The following FLT1 variants were observed in gnomAD, a reference collection of about 807,000 sequenced individuals.
The protein encoded by FLT1 is vascular endothelial growth factor receptor 1.
FLT1 carries 49 observed loss-of-function variants against 156.3 expected under a neutral mutation model. The ratio of observed to expected loss-of-function variants is 0.31; its 90% CI spans 0.25 to 0.40. The LOEUF (loss-of-function observed/expected upper bound fraction) is 0.40. FLT1 is among the 10% of genes least tolerant of loss of function. The pLI is 1.00. For synonymous variants in FLT1, 594 were observed against 583.8 expected (o/e 1.02, Z -0.25); for missense variants, 1,322 against 1,637.2 (o/e 0.81, Z 3.32).
intron 6 of FLT1, among the ~76,000 whole-genome samples, chr13:28,432,815 C>T (rs1289233374): frequency 6.6e-6 from 1 of 152,194 alleles, no homozygotes; most frequent in Admixed American, 6.5e-5. Flanking sequence ...TCCCTCTTGG[C>T]ACTTACGGAG....
At chr13:28,482,115 T>C (rs1197351781) in intron 1 of FLT1, among the ~76,000 whole-genome samples, 2 of 152,158 alleles carry the variant, frequency 1.3e-5, no homozygotes, top group African/African-American at 4.8e-5. Flanking sequence ...TCAGGAGAAT[T>C]AAATTTAATA....
chr13:28,453,395 C>T (rs566783614), intron 3 of FLT1, among the ~76,000 whole-genome samples: 2 of 152,206 alleles, frequency 1.3e-5, no homozygotes, highest in African/African-American at 4.8e-5. Context: ...AGTGTTGGGA[C>T]TACAGGCGTA....
chr13:28,305,179 C>T lies in FLT1; in HGVS notation c.3815+1499G>A, dbSNP rs11616913. Among the ~76,000 whole-genome samples, 91 of 152,262 alleles carry T rather than the reference C, an allele frequency of 6.0e-4. No individual in the cohort carries two copies. The East Asian group carries it at 0.014, about 24-fold the overall frequency. On this transcript the variant is annotated intron_variant, in intron 29 of 29. Transcript: ENST00000282397. ...GAGGGTTCCAATTTCTCCATATCCTCGCCACACTGACTTCATCTAGCTATC... is the reference window on the plus strand; with the variant it reads ...GAGGGTTCCAATTTCTCCATATCCTTGCCACACTGACTTCATCTAGCTATC...
At chr13:28,453,977 A>G (rs1235726581) in intron 3 of FLT1, among the ~76,000 whole-genome samples, 2 of 151,774 alleles carry the variant, frequency 1.3e-5, no homozygotes, top group Non-Finnish European at 2.9e-5. Context: ...CAGAGGGGGG[A>G]TATTTAACTT....
intron 4 of FLT1, among the ~76,000 whole-genome samples, chr13:28,434,631 C>T (rs1251314948): frequency 6.6e-6 from 1 of 152,188 alleles, no homozygotes; most frequent in East Asian, 1.9e-4. Context: ...GCCTGTAATT[C>T]CAGTACTTTG....
rs561056082 is a variant in FLT1 at position 28,470,868 on chromosome 13, T to G, written c.65-3251A>C. Among the ~76,000 whole-genome samples the G allele has an allele frequency of 3.8e-4, 58 of 152,242 alleles. No individual in the cohort carries two copies. In the East Asian group the frequency reaches 8.9e-3, roughly 23 times the overall value. ...ACCACACCCAGCTAATTTTTATATT[T>G]TTAGTAGAGACGGGGTTTTGCCATG... is the stretch of plus-strand genomic sequence containing the variant. On this transcript the variant is annotated intron_variant, in intron 1 of 29. Transcript: ENST00000282397.
At chr13:28,388,323 G>T (rs1874491835) in intron 13 of FLT1, 9 of 1,058,302 alleles carry the variant, frequency 8.5e-6, no homozygotes, top group Non-Finnish European at 1.0e-5. Context: ...TTTAGCCGTG[G>T]GACAGAATCT....
rs1406913366 is a variant in FLT1 at position 28,306,701 on chromosome 13, T to C, written c.3792A>G (p.Lys1264=). The C allele has an allele frequency of 6.2e-7, 1 of 1,613,466 alleles. No homozygotes were observed. Among genetic ancestry groups the C allele is most frequent in the Non-Finnish European group, 8.5e-7 (1 of 1,179,628 alleles). ...MLKRFTWTDS[K]PKASLKIDLR... Reference sequence around the variant, plus strand: ...ACTCAATCTTGAGCGAGGCCTTGGGTTTGCTGTCAGTCCAGGTGAAGCGCT... The same window carrying C: ...ACTCAATCTTGAGCGAGGCCTTGGGCTTGCTGTCAGTCCAGGTGAAGCGCT... Residue 1264 remains lysine, a synonymous_variant, in exon 29 of 30, where the codon AAA becomes AAG. Transcript: ENST00000282397.
rs754152643 is a variant in FLT1 at position 28,494,771 on chromosome 13, G to A, written c.64+9C>T. 6.4e-7 allele frequency: 1 copy of A among 1,553,654 alleles called. No homozygotes were observed. The highest frequency in any genetic ancestry group is 8.7e-7 in the Non-Finnish European group (1 of 1,154,640). On this transcript the variant is annotated intron_variant, in intron 1 of 29. Coordinates refer to ENST00000282397, the MANE Select transcript of FLT1 (RefSeq NM_002019.4). ...CCGCCTCAGGCCCCGGCCCCCAGCC[G>A]CGCCTCACCTGTGAGAAGCAGACAG...
Position 28,301,794 on chromosome 13 carries a change from G to A in FLT1, c.*1373C>T. 1 of 233,464 alleles carries A rather than the reference G, an allele frequency of 4.3e-6. No individual in the cohort carries two copies. Among genetic ancestry groups the A allele is most frequent in the Non-Finnish European group, 8.5e-6 (1 of 117,918 alleles). The allele number at this position is 233,464 out of a possible 1,614,324, so 14.5% of individuals were successfully genotyped here. A position where few individuals can be genotyped will look rare whatever the true frequency, so the allele number is the denominator to read the frequency against. On this transcript the variant is annotated 3_prime_UTR_variant, in exon 30 of 30. Transcript: ENST00000282397. ...TATTCCCATCATGCTCAGACCCCAG[G>A]CAAGTTTCAAAGCAGTTGAAAATGG...
intron 13 of FLT1, 105 bp from the exon 14 acceptor site, chr13:28,385,136 A>G (rs1874285468): frequency 8.7e-7 from 1 of 1,152,138 alleles, no homozygotes. Flanking sequence ...AAACTCAACT[A>G]TTAGGTTTCA....
intron 13 of FLT1, chr13:28,385,943 C>T (rs1417419630): frequency 9.5e-7 from 1 of 1,051,116 alleles, no homozygotes; most frequent in Non-Finnish European, 1.1e-6. Flanking sequence ...GCTAAAGCTT[C>T]CAAGGTAAAA....
chr13:28,385,721 T>A (rs1033091356), intron 13 of FLT1: 2 of 964,814 alleles, frequency 2.1e-6, no homozygotes, highest in Non-Finnish European at 2.5e-6. Flanking sequence ...ACAAATATGA[T>A]ACAATACAAT....
At chr13:28,375,809 C>A (rs759573361) in intron 14 of FLT1, among the ~76,000 whole-genome samples, 5 of 152,186 alleles carry the variant, frequency 3.3e-5, no homozygotes, top group South Asian at 2.1e-4. Flanking sequence ...CACTGCTCTG[C>A]GCACACCCTG....
At chr13:28,443,551 G>T (rs60209149) in intron 3 of FLT1, among the ~76,000 whole-genome samples, 2,047 of 152,164 alleles carry the variant, frequency 0.013, 39 homozygotes, top group African/African-American at 0.047. Context: ...AGTTTTTCCT[G>T]GTTGCCTTTC....
chr13:28,452,232 G>C (rs931014748), intron 3 of FLT1, among the ~76,000 whole-genome samples: 2 of 152,170 alleles, frequency 1.3e-5, no homozygotes, highest in African/African-American at 4.8e-5. Context: ...GCAAGGACAC[G>C]TTAGAAAGAC....
intron 14 of FLT1, among the ~76,000 whole-genome samples, chr13:28,358,174 G>A (rs776747101): frequency 1.7e-4 from 26 of 152,186 alleles, no homozygotes; most frequent in Non-Finnish European, 3.1e-4. Context: ...CTGAGATTCT[G>A]TGAGATTAAG....
At chr13:28,470,170 C>A (rs1166169689) in intron 1 of FLT1, among the ~76,000 whole-genome samples, 1 of 152,200 alleles carries the variant, frequency 6.6e-6, no homozygotes, top group African/African-American at 2.4e-5. Context: ...ATTGGTCTAT[C>A]AAACAACCTC....
At chr13:28,424,247 CT>C (rs922401446) in intron 10 of FLT1, among the ~76,000 whole-genome samples, 7 of 151,750 alleles carry the variant, frequency 4.6e-5, no homozygotes, top group African/African-American at 1.7e-4. Context: ...CCCCACTTTC[CT>C]TTTTTTAATT....
Sources: allele counts gnomAD v4.1 joint callset (sites outside exome capture counted in the v4.1 genomes callset), GRCh38; gene constraint gnomAD v4.1.1; transcripts MANE v1.5; gene names NCBI Gene and HGNC (gene_info 2026-07-23, HGNC 2026-07-21).